The following BICD1 variants were observed in gnomAD, a reference collection of about 807,000 sequenced individuals.
BICD1 encodes protein bicaudal D homolog 1.
In BICD1, 35 loss-of-function variants were observed where a neutral mutation model predicts 92.5. That is an observed-to-expected ratio of 0.38 (90% confidence interval 0.29 to 0.50). The LOEUF is 0.50. Ranked by LOEUF, BICD1 falls within the 20% of genes least tolerant of loss-of-function variation. BICD1 has a pLI of 0.93. For missense variants in BICD1, 950 were observed against 1,189.8 expected (o/e 0.80, Z 2.97); for synonymous variants, 429 against 465.1 (o/e 0.92, Z 1.00).
chr12:32,238,660 G>A (rs1391245693), intron 2 of BICD1, among the ~76,000 whole-genome samples: 1 of 152,178 alleles, frequency 6.6e-6, no homozygotes, highest in African/African-American at 2.4e-5. Flanking sequence ...TTAAGAAATT[G>A]TCAGCCGGGT....
Position 32,107,235 on chromosome 12 carries a change from C to T in BICD1, c.-97C>T. 2 of 1,175,074 alleles carry T rather than the reference C, an allele frequency of 1.7e-6. No homozygotes were observed. The highest frequency in any genetic ancestry group is 5.2e-5 in the East Asian group (2 of 38,822). 72.8% of individuals were successfully genotyped at this position (1,175,074 alleles called of 1,614,324 possible). A position where few individuals can be genotyped will look rare whatever the true frequency, so the allele number is the denominator to read the frequency against. On this transcript the variant is annotated 5_prime_UTR_variant, in exon 1 of 10. Coordinates refer to ENST00000652176, the MANE Select transcript of BICD1 (RefSeq NM_001714.4). Reference sequence around the variant, plus strand: ...TCCGGCCGCACTTTCTTTTCCGTTTCCACCCATCCCTTCCCATTTCCTTCT... The same window carrying T: ...TCCGGCCGCACTTTCTTTTCCGTTTTCACCCATCCCTTCCCATTTCCTTCT...
At position 32,340,299 on chromosome 12, in the gene BICD1, C is replaced by T. The variant is rs944883528; in HGVS notation, c.2764+1320C>T. The T allele has an allele frequency of 2.7e-5, 27 of 985,076 alleles. No homozygotes were observed. The African/African-American group carries it at 4.5e-4, about 17-fold the overall frequency. 61.0% of individuals were successfully genotyped at this position (985,076 alleles called of 1,614,324 possible). On this transcript the variant is annotated intron_variant, in intron 8 of 9. Transcript: ENST00000652176. ...AATGGTGTAATAGCCAAAATATACA[C>T]CTAAGAAGAAAAAAAGTAAAAACTG... is the stretch of plus-strand genomic sequence containing the variant.
intron 9 of BICD1, among the ~76,000 whole-genome samples, chr12:32,375,295 G>A (rs1156891991): frequency 6.6e-6 from 1 of 151,990 alleles, no homozygotes; most frequent in Non-Finnish European, 1.5e-5. Flanking sequence ...TTGAGAGGCC[G>A]AGGTGGGCAG....
chr12:32,130,474 A>G (rs1182886997), intron 1 of BICD1, among the ~76,000 whole-genome samples: 1 of 152,214 alleles, frequency 6.6e-6, no homozygotes, highest in Admixed American at 6.5e-5. Flanking sequence ...TACAGGCGTG[A>G]GCCACCACGC....
intron 1 of BICD1, among the ~76,000 whole-genome samples, chr12:32,204,847 T>C (rs942176109): frequency 6.6e-6 from 1 of 152,200 alleles, no homozygotes; most frequent in Non-Finnish European, 1.5e-5. Context: ...TTGAACGCAG[T>C]GTGAATTACT....
intron 2 of BICD1, among the ~76,000 whole-genome samples, chr12:32,279,879 C>T (rs1947370043): frequency 6.6e-6 from 1 of 152,200 alleles, no homozygotes; most frequent in African/African-American, 2.4e-5. Flanking sequence ...GCGGGTGGAT[C>T]ACCGGGGTCG....
At chr12:32,244,890 G>A (rs370104159) in intron 2 of BICD1, among the ~76,000 whole-genome samples, 93 of 152,246 alleles carry the variant, frequency 6.1e-4, no homozygotes, top group Middle Eastern at 3.4e-3. Context: ...GCCTCCCAAA[G>A]TGCTGGGATT....
At chr12:32,351,502 A>G (rs1246695426) in intron 8 of BICD1, among the ~76,000 whole-genome samples, 3 of 150,274 alleles carry the variant, frequency 2.0e-5, no homozygotes, top group African/African-American at 4.9e-5. Context: ...AAAAAAAAAA[A>G]AAAAAAAAAG....
At chr12:32,377,305 T>C (rs1405374568) in intron 9 of BICD1, among the ~76,000 whole-genome samples, 3 of 151,890 alleles carry the variant, frequency 2.0e-5, no homozygotes, top group Non-Finnish European at 4.4e-5. Context: ...AAGAGAAGAG[T>C]GACTTTGAGG....
rs1287997931 is a variant in BICD1 at position 32,334,751 on chromosome 12, A to C, written c.2252+84A>C. ...CACAGCCCTGCCTTTGTGCATGTTG[A>C]GTGTATTCGGTGAGTAGTCTAGGAT... is the stretch of plus-strand genomic sequence containing the variant. On this transcript the variant is annotated intron_variant, in intron 6 of 9. Coordinates refer to ENST00000652176, the MANE Select transcript of BICD1 (RefSeq NM_001714.4). 6.8e-6 allele frequency: 10 copies of C among 1,467,496 alleles called. No individual in the cohort carries two copies. In the Admixed American group the frequency reaches 8.5e-5, roughly 12 times the overall value. The allele number at this position is 1,467,496 out of a possible 1,614,324, so 90.9% of individuals were successfully genotyped here.
At chr12:32,238,557 A>G (rs2608402) in intron 2 of BICD1, among the ~76,000 whole-genome samples, 102,407 of 152,144 alleles carry the variant, frequency 0.67, 34,803 homozygotes, top group African/African-American at 0.77. Flanking sequence ...AAGTTGTACC[A>G]TGAGTAAAAT....
At chr12:32,246,745 C>G (rs1410806973) in intron 2 of BICD1, among the ~76,000 whole-genome samples, 1 of 152,204 alleles carries the variant, frequency 6.6e-6, no homozygotes, top group Non-Finnish European at 1.5e-5. Context: ...TCATTGAACA[C>G]TGTCTTTTTG....
At chr12:32,340,378 A>G (rs1376447573) in intron 8 of BICD1, 10 of 985,254 alleles carry the variant, frequency 1.0e-5, no homozygotes, top group Non-Finnish European at 1.2e-5. Context: ...CCTCCTTGGA[A>G]GGTACCTTGA....
chr12:32,189,989 G>A (rs115881099), intron 1 of BICD1, among the ~76,000 whole-genome samples: 65 of 152,218 alleles, frequency 4.3e-4, no homozygotes, highest in South Asian at 8.3e-4. Context: ...GTGAGCCACC[G>A]CACCTGGCAA....
chr12:32,187,369 G>A lies in BICD1; in HGVS notation c.214-28878G>A, dbSNP rs16919432. 2.3e-3 allele frequency among the ~76,000 whole-genome samples: 355 copies of A among 152,206 alleles called. 1 individual carries two copies. Among genetic ancestry groups the A allele is most frequent in the African/African-American group, 8.2e-3 (340 of 41,558 alleles). On this transcript the variant is annotated intron_variant, in intron 1 of 9. Transcript: ENST00000652176. ...TTGTGAAAGAATGTCACTATGCATT[G>A]TGGTTTTGAAAATGAATCTATGGGC...
At chr12:32,276,033 T>G (rs1267767823) in intron 2 of BICD1, among the ~76,000 whole-genome samples, 1 of 152,086 alleles carries the variant, frequency 6.6e-6, no homozygotes, top group Non-Finnish European at 1.5e-5. Flanking sequence ...GGGAGCTCTG[T>G]GAGCAAGGAT....
chr12:32,216,205 G>C (rs200355356), intron 1 of BICD1, 42 bp from the exon 2 acceptor site: 71 of 1,581,580 alleles, frequency 4.5e-5, no homozygotes, highest in Non-Finnish European at 4.3e-6. Flanking sequence ...GGGTTATGAT[G>C]CATTTCATTG....
chr12:32,155,847 G>A (rs951976276), intron 1 of BICD1, among the ~76,000 whole-genome samples: 2 of 152,146 alleles, frequency 1.3e-5, no homozygotes, highest in African/African-American at 2.4e-5. Flanking sequence ...CTTATGACAC[G>A]TAACCCTAAA....
intron 8 of BICD1, among the ~76,000 whole-genome samples, chr12:32,362,443 C>T (rs1446852345): frequency 6.6e-6 from 1 of 152,206 alleles, no homozygotes; most frequent in African/African-American, 2.4e-5. Flanking sequence ...GAAAGCCACA[C>T]AGCAAAACTT....
Sources: allele counts gnomAD v4.1 joint callset (sites outside exome capture counted in the v4.1 genomes callset), GRCh38; gene constraint gnomAD v4.1.1; transcripts MANE v1.5; gene names NCBI Gene and HGNC (gene_info 2026-07-23, HGNC 2026-07-21).